Variants in BUB1 observed in about 807,000 individuals in gnomAD.
BUB1 encodes BUB1 mitotic checkpoint serine/threonine kinase.
In BUB1, 84 loss-of-function variants were observed where a neutral mutation model predicts 135.2. That is an observed-to-expected ratio of 0.62 (90% CI 0.52 to 0.74). The LOEUF (loss-of-function observed/expected upper bound fraction) is 0.74, where lower values mean the gene tolerates loss of function less well. Ranked by LOEUF, BUB1 falls within the 30% of genes least tolerant of loss-of-function variation. The pLI is 0.00. For missense variants in BUB1, 1,162 were observed against 1,288.3 expected (o/e 0.90, Z 1.50); for synonymous variants, 403 against 434.4 (o/e 0.93, Z 0.90).
chr2:110,638,734 C>A (rs542493707), intron 24 of BUB1, among the ~76,000 whole-genome samples: 1 of 152,358 alleles, frequency 6.6e-6, no homozygotes, highest in South Asian at 2.1e-4. Context: ...TCCAGCTCTT[C>A]TTCACACTGG....
intron 19 of BUB1, chr2:110,649,024 T>C: frequency 5.0e-6 from 2 of 397,420 alleles, no homozygotes; most frequent in Non-Finnish European, 4.4e-6. Flanking sequence ...AATTGCCCTC[T>C]ATGAGTTATA....
At chr2:110,677,923 G>A (rs773606235) in intron 1 of BUB1, 47 bp downstream of exon 1, 6 of 1,587,612 alleles carry the variant, frequency 3.8e-6, no homozygotes, top group East Asian at 4.6e-5. Flanking sequence ...CGAACCCCAG[G>A]CGCCCCAGCC....
At chr2:110,670,699 T>A (rs1690397796) in intron 4 of BUB1, 131 bp from the exon 5 acceptor site, 1 of 842,944 alleles carries the variant, frequency 1.2e-6, no homozygotes, top group African/African-American at 1.7e-5. Flanking sequence ...GAATGTACAG[T>A]TGCATTTTAG....
chr2:110,650,541 C>A lies in BUB1; in HGVS notation c.2203+5G>T. On this transcript the variant is annotated splice_donor_5th_base_variant and intron_variant, in intron 18 of 24. Coordinates refer to ENST00000302759, the MANE Select transcript of BUB1 (RefSeq NM_004336.5). ...AAGGGCATAACAAAGAGTGAGTGTTCGTACTTGGAGCATCAACAGTCCCAA... is the reference window on the plus strand; with the variant it reads ...AAGGGCATAACAAAGAGTGAGTGTTAGTACTTGGAGCATCAACAGTCCCAA... 6.2e-7 allele frequency: 1 copy of A among 1,611,318 alleles called. No individual in the cohort carries two copies. Among genetic ancestry groups the A allele is most frequent in the South Asian group, 1.1e-5 (1 of 90,968 alleles).
intron 4 of BUB1, 34 bp downstream of exon 4, chr2:110,672,627 A>C: frequency 6.6e-7 from 1 of 1,519,872 alleles, no homozygotes; most frequent in African/African-American, 1.4e-5. Context: ...TTTCAAAGTC[A>C]GAATCATCAC....
rs1411738525 is a variant in BUB1 at position 110,638,017 on chromosome 2, G to A, written c.3205C>T (p.Leu1069=). The part of the protein sequence containing the change: ...QQHYTNKIRA[L]RNRLIVLLLE... ...AGCAGTACAATTAGCCTATTACGTA[G>A]GGCCCTAATCTTGTTAGTATAGTGT... Residue 1069 remains leucine (L), a synonymous_variant, in exon 25 of 25, where the codon CTA becomes TTA. Transcript: ENST00000302759. The A allele has an allele frequency of 3.1e-6, 5 of 1,593,004 alleles. No homozygotes were observed. The East Asian group carries it at 1.1e-4, about 36-fold the overall frequency.
At chr2:110,641,840 G>C in intron 20 of BUB1, 37 bp from the exon 21 acceptor site, 1 of 1,582,718 alleles carries the variant, frequency 6.3e-7, no homozygotes, top group Non-Finnish European at 8.5e-7. Flanking sequence ...ATCCAATCTC[G>C]TATTCTGAAA....
chr2:110,657,589 A>G lies in BUB1; in HGVS notation c.1573T>C (p.Ser525Pro). Residue 525 changes from serine (S) to proline (P), a missense_variant, in exon 14 of 25, where the codon TCT becomes CCT. Physicochemically the swap from Ser to Pro is moderately conservative, Grantham distance 74. Coordinates refer to ENST00000302759, the MANE Select transcript of BUB1 (RefSeq NM_004336.5). The stretch of plus-strand genomic sequence containing the variant: ...CCATCTTCAAACACATGAAAAGCAG[A>G]TGACAAAGAAGAGATGATCTTATTG... ...GVNKIISSLS[S>P]AFHVFEDGNK... is the part of the protein sequence containing the mutation. 6.2e-7 allele frequency: 1 copy of G among 1,608,616 alleles called. No homozygotes were observed. Among genetic ancestry groups the G allele is most frequent in the Non-Finnish European group, 8.5e-7 (1 of 1,177,332 alleles).
rs780901314 is a variant in BUB1 at position 110,674,106 on chromosome 2, T to A, written c.205A>T (p.Ile69Phe). The change falls in exon 3 of 25, where the codon ATC becomes TTC. Residue 69 changes from isoleucine to phenylalanine, a missense_variant. Coordinates refer to ENST00000302759, the MANE Select transcript of BUB1 (RefSeq NM_004336.5). The part of the protein sequence containing the change: ...KKKYHNDPRF[I>F]SYCLKFAEYN... ...CTTACAAATTTTAAACAATAACTGA[T>A]GAATCTTGGGTCATTGTGGTATTTC... 6.5e-7 allele frequency: 1 copy of A among 1,531,776 alleles called. No individual in the cohort carries two copies. Among genetic ancestry groups the A allele is most frequent in the Non-Finnish European group, 9.0e-7 (1 of 1,109,718 alleles). 94.9% of individuals were successfully genotyped at this position (1,531,776 alleles called of 1,614,324 possible).
chr2:110,673,020 C>A (rs1291027371), intron 3 of BUB1, among the ~76,000 whole-genome samples, 163 bp from the exon 4 acceptor site: 1 of 152,242 alleles, frequency 6.6e-6, no homozygotes, highest in Non-Finnish European at 1.5e-5. Flanking sequence ...TTCAGCCCCA[C>A]TGCTGAACCT....
chr2:110,670,396 C>T, intron 5 of BUB1, 129 bp downstream of exon 5: 1 of 1,071,196 alleles, frequency 9.3e-7, no homozygotes, highest in Non-Finnish European at 1.4e-6. Context: ...TCTTGGCCTC[C>T]CAAAGTGCTG....
chr2:110,669,430 C>A (rs552389561), intron 6 of BUB1, 23 bp downstream of exon 6: 1 of 1,521,114 alleles, frequency 6.6e-7, no homozygotes, highest in South Asian at 1.1e-5. Context: ...AGTTTCCACA[C>A]AAGCTACAAA....
intron 17 of BUB1, among the ~76,000 whole-genome samples, chr2:110,652,844 T>C (rs1689821263): frequency 6.6e-6 from 1 of 152,254 alleles, no homozygotes; most frequent in Non-Finnish European, 1.5e-5. Context: ...TAATTTTAGG[T>C]ATAAAGAAAT....
chr2:110,672,884 T>C (rs757894819), intron 3 of BUB1, 27 bp from the exon 4 acceptor site: 3 of 1,538,944 alleles, frequency 1.9e-6, no homozygotes, highest in Admixed American at 2.1e-5. Context: ...CAAAAAGACA[T>C]AAGAATAATG....
rs554969656 is a variant in BUB1, at chr2:110,639,487, G to T, written c.3062+255C>A. Among the ~76,000 whole-genome samples the T allele has an allele frequency of 3.6e-4, 54 of 152,100 alleles. 1 individual carries two copies. The highest frequency in any genetic ancestry group is 6.8e-3 in the Middle Eastern group (2 of 294). ...GGTGATTAGGGGTGGAAACATTTGC[G>T]TGTGTACAGGATGTCAACCATTTGG... On this transcript the variant is annotated intron_variant, in intron 24 of 24. Coordinates refer to ENST00000302759, the MANE Select transcript of BUB1 (RefSeq NM_004336.5).
intron 16 of BUB1, among the ~76,000 whole-genome samples, chr2:110,654,789 G>A (rs1689881003): frequency 6.6e-6 from 1 of 152,126 alleles, no homozygotes; most frequent in Non-Finnish European, 1.5e-5. Context: ...TAGGTCTATA[G>A]GCTCAGAACC....
At position 110,678,054 on chromosome 2, in the gene BUB1, C is replaced by G; in HGVS notation, c.-59G>C. On this transcript the variant is annotated 5_prime_UTR_variant, in exon 1 of 25. Coordinates refer to ENST00000302759, the MANE Select transcript of BUB1 (RefSeq NM_004336.5). ...TGAACCGCAAACTAGAAGCCGCCGCCGATTCGAATACCCCGCGCAGCCGCA... is the reference window on the plus strand; with the variant it reads ...TGAACCGCAAACTAGAAGCCGCCGCGGATTCGAATACCCCGCGCAGCCGCA... 6.4e-7 allele frequency: 1 copy of G among 1,557,244 alleles called. No homozygotes were observed. The highest frequency in any genetic ancestry group is 2.0e-4 in the Middle Eastern group (1 of 4,994).
intron 19 of BUB1, among the ~76,000 whole-genome samples, chr2:110,644,166 A>C (rs985625876): frequency 2.6e-5 from 4 of 151,950 alleles, no homozygotes; most frequent in African/African-American, 9.7e-5. Context: ...GAATACCAGA[A>C]GGAAGAAGGG....
rs749702538 is a variant in BUB1 at position 110,657,050 on chromosome 2, G to A, written c.1684C>T (p.Pro562Ser). 8.1e-6 allele frequency: 13 copies of A among 1,612,350 alleles called. No homozygotes were observed. Among genetic ancestry groups the A allele is most frequent in the African/African-American group, 1.3e-5 (1 of 74,870 alleles). Residue 562 changes from proline to serine, a missense_variant, in exon 15 of 25, where the codon CCT (proline) becomes TCT (serine). Physicochemically the swap from Pro to Ser is moderately conservative, Grantham distance 74. Transcript: ENST00000302759. ...GGTTTGTTTACCTTTGGTTTTGAAGGAAGTCTGCTGACAGAGCGTTCTCCA... is the reference window on the plus strand; with the variant it reads ...GGTTTGTTTACCTTTGGTTTTGAAGAAAGTCTGCTGACAGAGCGTTCTCCA... ...TFGERSVSRL[P>S]SKPKEEVPHA...
Sources: allele counts gnomAD v4.1 joint callset (sites outside exome capture counted in the v4.1 genomes callset), GRCh38; gene constraint gnomAD v4.1.1; transcripts MANE v1.5; gene names NCBI Gene and HGNC (gene_info 2026-07-23, HGNC 2026-07-21).